ATG4A: variants seen among roughly 807,000 people sequenced by gnomAD.
The protein encoded by ATG4A is cysteine protease ATG4A.
A neutral mutation model predicts 38.4 loss-of-function variants in ATG4A; 22 were observed. That is an observed-to-expected ratio of 0.57 (90% CI 0.41 to 0.82). The LOEUF (loss-of-function observed/expected upper bound fraction) is 0.82. Ranked by LOEUF, ATG4A falls within the 40% of genes least tolerant of loss-of-function variation. The pLI is 0.00. For missense variants in ATG4A, 220 were observed against 290.0 expected (o/e 0.76, Z 1.75); for synonymous variants, 86 against 100.7 (o/e 0.85, Z 0.88).
At chrX:108,134,920 T>A (rs959979350) in intron 6 of ATG4A, among the ~76,000 whole-genome samples, 10 of 112,122 alleles carry the variant, frequency 8.9e-5, no homozygotes, top group Non-Finnish European at 1.9e-4. Context: ...ACTCACCACC[T>A]GTTGGGGGCG....
chrX:108,091,561 G>A (rs779713938), upstream of ATG4A: 17 of 1,136,060 alleles, frequency 1.5e-5, no homozygotes, highest in South Asian at 2.5e-4. Flanking sequence ...AGCAACGCCC[G>A]CCTCACGTCG....
rs1569310305 is a variant in ATG4A at position 108,137,900 on chromosome X, C to T, written c.644C>T (p.Ala215Val). 8.3e-6 allele frequency: 10 copies of T among 1,208,443 alleles called. No homozygotes were observed. The highest frequency in any genetic ancestry group is 3.0e-5 in the East Asian group (1 of 33,805). The change falls in exon 8 of 13, where the codon GCC becomes GTC. Residue 215 changes from alanine to valine, a missense_variant. Ala to Val is a moderately conservative substitution (Grantham distance 64). Transcript: ENST00000372232. ...TCAAACCAGAGTAAGGGCACCTCTG[C>T]CTACTGCTCAGCCTGGAAACCCCTG... ...TASNQSKGTSAYCSAWKPLLL... is the reference protein window; with the variant it reads ...TASNQSKGTSVYCSAWKPLLL...
At chrX:108,120,108 C>T (rs113280711) in intron 1 of ATG4A, among the ~76,000 whole-genome samples, 5,811 of 112,006 alleles carry the variant, frequency 0.052, 399 homozygotes, top group African/African-American at 0.18. Context: ...TGATTCTCAC[C>T]TCAGTTTGTG....
At chrX:108,138,796 T>C (rs2033167373) in intron 9 of ATG4A, among the ~76,000 whole-genome samples, 1 of 112,028 alleles carries the variant, frequency 8.9e-6, no homozygotes, top group Non-Finnish European at 1.9e-5. Context: ...AGCCTAGTGC[T>C]TCTGAAGCTT....
At chrX:108,131,225 G>A (rs771876224) in intron 3 of ATG4A, 35 bp from the exon 4 acceptor site, 30 of 1,168,006 alleles carry the variant, frequency 2.6e-5, no homozygotes, top group Non-Finnish European at 3.3e-5. Context: ...GCAATTTGAG[G>A]AACCCATATT....
chrX:108,136,108 G>T (rs1335122381), intron 6 of ATG4A, among the ~76,000 whole-genome samples: 1 of 107,483 alleles, frequency 9.3e-6, no homozygotes, highest in African/African-American at 3.4e-5. Context: ...ATGTAAATGG[G>T]TTCCAATTCA....
chrX:108,102,733 A>G (rs1311528778), intron 1 of ATG4A, among the ~76,000 whole-genome samples: 1 of 111,183 alleles, frequency 9.0e-6, no homozygotes, highest in African/African-American at 3.3e-5. Flanking sequence ...TGTGAAATAA[A>G]CATCCAATTT....
intron 5 of ATG4A, 23 bp downstream of exon 5, chrX:108,134,181 T>G (rs776735899): frequency 8.6e-7 from 1 of 1,167,086 alleles, no homozygotes; most frequent in Non-Finnish European, 1.2e-6. Flanking sequence ...ATCAATAGTT[T>G]AAAGGCAGTG....
At chrX:108,101,205 A>G (rs930692211) in intron 1 of ATG4A, among the ~76,000 whole-genome samples, 19 of 110,991 alleles carry the variant, frequency 1.7e-4, no homozygotes, top group Non-Finnish European at 2.6e-4. Context: ...TGTTTGTAGT[A>G]ATCCCTTTTG....
At chrX:108,126,817 C>G (rs975897214) in intron 2 of ATG4A, 2 of 932,797 alleles carry the variant, frequency 2.1e-6, no homozygotes, top group Admixed American at 6.1e-5. Flanking sequence ...ACCTTTTAAC[C>G]TGAAACTGCT....
intron 1 of ATG4A, among the ~76,000 whole-genome samples, chrX:108,125,565 C>T (rs985112396): frequency 4.4e-5 from 5 of 112,368 alleles, no homozygotes; most frequent in Non-Finnish European, 9.4e-5. Context: ...AATAAAAATA[C>T]TGTGAAAACA....
intron 1 of ATG4A, among the ~76,000 whole-genome samples, chrX:108,122,548 A>C (rs1351861566): frequency 8.9e-6 from 1 of 111,781 alleles, no homozygotes; most frequent in Non-Finnish European, 1.9e-5. Flanking sequence ...AGGGAAAACC[A>C]GCAGCCTGGC....
chrX:108,129,633 C>G (rs2032899239), intron 3 of ATG4A, among the ~76,000 whole-genome samples: 1 of 104,649 alleles, frequency 9.6e-6, no homozygotes, highest in Admixed American at 1.0e-4. Context: ...TGCAGTGGCG[C>G]CATCTCGGCT....
intron 9 of ATG4A, among the ~76,000 whole-genome samples, chrX:108,142,483 G>A (rs1569312335): frequency 9.2e-6 from 1 of 109,153 alleles, no homozygotes; most frequent in Non-Finnish European, 1.9e-5. Context: ...ATATATATGT[G>A]TGTGTGTGTA....
chrX:108,142,090 C>T (rs1173444880), intron 9 of ATG4A, among the ~76,000 whole-genome samples: 2 of 111,551 alleles, frequency 1.8e-5, no homozygotes, highest in African/African-American at 6.5e-5. Context: ...CTCTTATAAG[C>T]ACTCTCAGAA....
chrX:108,091,289 C>T, upstream of ATG4A: 4 of 640,701 alleles, frequency 6.2e-6, no homozygotes, highest in Non-Finnish European at 1.0e-5. Flanking sequence ...CTGCTTGGGG[C>T]GGCGGGGGCG....
chrX:108,138,303 G>T, intron 9 of ATG4A, 112 bp downstream of exon 9: 1 of 657,579 alleles, frequency 1.5e-6, no homozygotes, highest in Non-Finnish European at 2.4e-6. Flanking sequence ...TCTAGCCCAG[G>T]AATGCCGTGG....
At chrX:108,101,042 A>AT (rs374460141) in intron 1 of ATG4A, among the ~76,000 whole-genome samples, 9 of 106,886 alleles carry the variant, frequency 8.4e-5, no homozygotes, top group East Asian at 5.9e-4. Flanking sequence ...TCAATGAAGA[A>AT]TTTTTTTTTT....
In ATG4A at chrX:108,140,587, A is replaced by G. The variant is rs975020177; in HGVS notation, c.814+2396A>G. On this transcript the variant is annotated intron_variant, in intron 9 of 12. Transcript: ENST00000372232. ...CACACACATTTATACATATATATAC[A>G]TATATATACATTATATATATAAAAT... Among the ~76,000 whole-genome samples the G allele has an allele frequency of 1.1e-3, 116 of 104,817 alleles. 1 individual carries two copies. The highest frequency in any genetic ancestry group is 3.6e-3 in the African/African-American group (105 of 29,119). 91.0% of individuals were successfully genotyped at this position (104,817 alleles called of 115,157 possible).
Sources: allele counts gnomAD v4.1 joint callset (sites outside exome capture counted in the v4.1 genomes callset), GRCh38; gene constraint gnomAD v4.1.1; transcripts MANE v1.5; gene names NCBI Gene and HGNC (gene_info 2026-07-23, HGNC 2026-07-21).